Variants in UQCC1 observed in about 807,000 individuals in gnomAD.
UQCC1 encodes ubiquinol-cytochrome c reductase complex assembly factor 1, also known as bFGF-repressed Zic-binding protein.
UQCC1 carries 38 observed loss-of-function variants against 48.0 expected under a neutral mutation model. The observed-to-expected ratio is 0.79, with a 90% CI of 0.61 to 1.04. The LOEUF (loss-of-function observed/expected upper bound fraction) is 1.04, where lower values mean the gene tolerates loss of function less well. UQCC1 is among the 50% of genes least tolerant of loss of function. The probability of loss-of-function intolerance (pLI) is 0.00; values close to 1 mark genes in which losing one functional copy is unlikely to be tolerated. For missense variants in UQCC1, 368 were observed against 381.8 expected (o/e 0.96, Z 0.30); for synonymous variants, 111 against 129.2 (o/e 0.86, Z 0.95).
In UQCC1 at chr20:35,303,682, G is replaced by A. The variant is rs912200824; in HGVS notation, c.*253C>T. 3 of 521,886 alleles carry A rather than the reference G, an allele frequency of 5.7e-6. No individual in the cohort carries two copies. The highest frequency in any genetic ancestry group is 3.2e-5 in the Admixed American group (1 of 31,594). 32.3% of individuals were successfully genotyped at this position (521,886 alleles called of 1,614,324 possible). On this transcript the variant is annotated 3_prime_UTR_variant, in exon 10 of 10. Coordinates refer to ENST00000374385, the MANE Select transcript of UQCC1 (RefSeq NM_018244.5). The stretch of plus-strand genomic sequence containing the variant: ...GGGGGTTGGGGAGTGTGTGCTGGGG[G>A]ACTCTCACTCGGGGCTTCCCCTAAG...
intron 3 of UQCC1, among the ~76,000 whole-genome samples, chr20:35,382,646 G>A (rs2061888987): frequency 6.6e-6 from 1 of 150,488 alleles, no homozygotes; most frequent in Non-Finnish European, 1.5e-5. Flanking sequence ...CCGAGTAGCT[G>A]GGACAGGCAC....
At chr20:35,360,259 G>A (rs1157612898) in intron 6 of UQCC1, among the ~76,000 whole-genome samples, 1 of 152,148 alleles carries the variant, frequency 6.6e-6, no homozygotes, top group Non-Finnish European at 1.5e-5. Context: ...TAGCAGGCCT[G>A]GGGTTGCTGG....
chr20:35,397,119 A>G (rs10211822), intron 1 of UQCC1, among the ~76,000 whole-genome samples: 4,215 of 151,198 alleles, frequency 0.028, 204 homozygotes, highest in African/African-American at 0.097. Flanking sequence ...AATCACTTGA[A>G]CCCAGGAGGC....
intron 5 of UQCC1, among the ~76,000 whole-genome samples, chr20:35,373,778 G>A (rs2061762757): frequency 6.6e-6 from 1 of 151,736 alleles, no homozygotes; most frequent in African/African-American, 2.4e-5. Context: ...TGCATGTGTG[G>A]ACAAGGGAGA....
chr20:35,360,147 T>G (rs2061590296), intron 6 of UQCC1, among the ~76,000 whole-genome samples: 1 of 152,156 alleles, frequency 6.6e-6, no homozygotes, highest in Non-Finnish European at 1.5e-5. Flanking sequence ...GCATAGGCCT[T>G]TGGTTTGGGC....
At chr20:35,341,409 C>G (rs568025999) in intron 7 of UQCC1, among the ~76,000 whole-genome samples, 10 of 152,026 alleles carry the variant, frequency 6.6e-5, no homozygotes, top group Non-Finnish European at 1.2e-4. Flanking sequence ...AAGACTAACA[C>G]AGCAAACAAA....
chr20:35,347,664 C>T (rs2061446008), intron 6 of UQCC1, among the ~76,000 whole-genome samples: 1 of 152,124 alleles, frequency 6.6e-6, no homozygotes, highest in Non-Finnish European at 1.5e-5. Context: ...ATTTGCCCAA[C>T]ACCAGTTTTA....
chr20:35,410,704 C>CAAAAAAAAAAAAAAAAAAAA (rs1183843739), intron 1 of UQCC1, among the ~76,000 whole-genome samples: 82 of 2,710 alleles, frequency 0.03, 34 homozygotes, highest in South Asian at 0.12. Context: ...GACTCTGCCT[C>CAAAAAAAAAAAAAAAAAAAA]AAAAAAAAAA....
chr20:35,411,816 C>T, intron 1 of UQCC1, 124 bp downstream of exon 1: 2 of 1,316,016 alleles, frequency 1.5e-6, no homozygotes, highest in East Asian at 2.3e-5. Context: ...GGAAAAGCGG[C>T]CACTCAGCCT....
chr20:35,355,462 G>A (rs2061536525), intron 6 of UQCC1, among the ~76,000 whole-genome samples: 1 of 152,198 alleles, frequency 6.6e-6, no homozygotes, highest in African/African-American at 2.4e-5. Flanking sequence ...TTACTAGGTA[G>A]TTAAGGACAG....
intron 7 of UQCC1, among the ~76,000 whole-genome samples, chr20:35,329,483 A>T (rs1432988064): frequency 3.3e-5 from 5 of 152,186 alleles, no homozygotes; most frequent in Admixed American, 6.5e-5. Flanking sequence ...ATGGAAAAAC[A>T]AGTCCCTCCA....
chr20:35,347,816 T>C (rs749598192), intron 6 of UQCC1, among the ~76,000 whole-genome samples: 2 of 152,212 alleles, frequency 1.3e-5, no homozygotes, highest in Non-Finnish European at 2.9e-5. Flanking sequence ...AAAAAGAATA[T>C]AAAATATCTC....
intron 4 of UQCC1, among the ~76,000 whole-genome samples, chr20:35,378,627 C>T (rs563363894): frequency 1.3e-5 from 2 of 152,170 alleles, no homozygotes; most frequent in African/African-American, 4.8e-5. Context: ...GAGACTCCAA[C>T]TCAAAAAAAG....
chr20:35,384,730 AGGCCGAG>A, intron 2 of UQCC1: 1 of 420,412 alleles, frequency 2.4e-6, no homozygotes, highest in South Asian at 1.8e-5. Context: ...GCACTTTGGG[AGGCCGAG>A]GTGGATGGAT....
intron 5 of UQCC1, among the ~76,000 whole-genome samples, chr20:35,370,200 G>T (rs2061714499): frequency 6.6e-6 from 1 of 151,426 alleles, no homozygotes; most frequent in African/African-American, 2.4e-5. Context: ...TACAATCTTG[G>T]GAAGCAATAT....
At chr20:35,401,338 C>CTACA (rs1408015494) in intron 1 of UQCC1, among the ~76,000 whole-genome samples, 1 of 152,144 alleles carries the variant, frequency 6.6e-6, no homozygotes, top group Admixed American at 6.6e-5. Context: ...CGTTTCCATA[C>CTACA]TACACTTGGG....
intron 3 of UQCC1, 42 bp downstream of exon 3, chr20:35,383,996 T>C: frequency 6.4e-7 from 1 of 1,567,648 alleles, no homozygotes; most frequent in Non-Finnish European, 8.8e-7. Context: ...AACACCTGTG[T>C]GAAAGCACTC....
At chr20:35,354,460 A>ATG (rs1555808135) in intron 6 of UQCC1, among the ~76,000 whole-genome samples, 2 of 150,640 alleles carry the variant, frequency 1.3e-5, no homozygotes, top group Non-Finnish European at 3.0e-5. Flanking sequence ...GCACTGACGC[A>ATG]ATCTTGGCTC....
At chr20:35,399,925 CTTT>C (rs1227064253) in intron 1 of UQCC1, among the ~76,000 whole-genome samples, 1 of 119,570 alleles carries the variant, frequency 8.4e-6, no homozygotes, top group Admixed American at 8.5e-5. Context: ...CTACTCAGTC[CTTT>C]TTTTTTTTTT....
Sources: gnomAD v4.1 joint callset for allele counts (sites outside exome capture counted in the v4.1 genomes callset) on GRCh38, gnomAD v4.1.1 for gene constraint, MANE v1.5 for transcripts, NCBI Gene and HGNC (gene_info 2026-07-23, HGNC 2026-07-21) for gene names.